DSG2: variants seen among roughly 807,000 people sequenced by gnomAD.
The protein encoded by DSG2 is desmoglein-2.
A neutral mutation model predicts 75.6 loss-of-function variants in DSG2; 45 were observed. The observed-to-expected ratio is 0.60, with a 90% CI of 0.47 to 0.76. DSG2 has a LOEUF of 0.76. DSG2 is among the 30% of genes least tolerant of loss of function. The pLI is 0.00. For synonymous variants in DSG2, 429 were observed against 483.9 expected (o/e 0.89, Z 1.49); for missense variants, 1,267 against 1,357.4 (o/e 0.93, Z 1.05).
Position 31,545,727 on chromosome 18 carries a change from G to GAAAGCGA in DSG2, c.2341_2342insAAAGCGA (p.Ala781GlufsTer7). ...TGTTTTGTTTTCATTTTAGAAAGCGGCCTCTTACACTGAGGAAGATGAAAA... is the reference window on the plus strand; with the variant it reads ...TGTTTTGTTTTCATTTTAGAAAGCGGAAAGCGACCTCTTACACTGAGGAAGATGAAAA... On this transcript the variant is annotated frameshift_variant, in exon 15 of 15. Coordinates refer to ENST00000261590, the MANE Select transcript of DSG2 (RefSeq NM_001943.5). LOFTEE classifies it low-confidence loss of function (END_TRUNC). The GAAAGCGA allele has an allele frequency of 6.2e-7, 1 of 1,613,620 alleles. No homozygotes were observed. Among genetic ancestry groups the GAAAGCGA allele is most frequent in the Non-Finnish European group, 8.5e-7 (1 of 1,180,004 alleles).
chr18:31,536,566 C>A (rs904409514), intron 11 of DSG2, 137 bp downstream of exon 11: 1 of 870,882 alleles, frequency 1.1e-6, no homozygotes, highest in Non-Finnish European at 1.8e-6. Context: ...AGGTCCTGAA[C>A]CTACTGACAT....
chr18:31,521,612 G>A (rs1475782058), intron 5 of DSG2, among the ~76,000 whole-genome samples: 2 of 152,164 alleles, frequency 1.3e-5, no homozygotes, highest in Admixed American at 1.3e-4. Flanking sequence ...TTTGGCTATA[G>A]TTTGCTGACC....
At chr18:31,511,550 G>C (rs1290553816) in intron 1 of DSG2, among the ~76,000 whole-genome samples, 2 of 152,216 alleles carry the variant, frequency 1.3e-5, no homozygotes, top group African/African-American at 4.8e-5. Context: ...TTCCACAATT[G>C]ACAAAATGTT....
At chr18:31,534,168 A>C (rs1421192398) in intron 9 of DSG2, among the ~76,000 whole-genome samples, 1 of 152,004 alleles carries the variant, frequency 6.6e-6, no homozygotes, top group African/African-American at 2.4e-5. Flanking sequence ...TTGTATTTTT[A>C]GTAGAGATGG....
intron 8 of DSG2, among the ~76,000 whole-genome samples, chr18:31,530,153 G>A (rs941041793): frequency 2.0e-5 from 3 of 152,118 alleles, no homozygotes; most frequent in Non-Finnish European, 4.4e-5. Flanking sequence ...AAAGAGGAGA[G>A]TGGGGTTCTT....
At chr18:31,509,014 C>T (rs564018963) in intron 1 of DSG2, among the ~76,000 whole-genome samples, 7 of 152,182 alleles carry the variant, frequency 4.6e-5, no homozygotes, top group Non-Finnish European at 1.0e-4. Context: ...TTGAAAACCA[C>T]TGTTAACATC....
In DSG2 at chr18:31,538,739, C is replaced by T. The variant is rs140850369; in HGVS notation, c.1652-12C>T. ...GTTCGTTTTTATTTCCTTCTGCCTC[C>T]CAACCTTGTAGGTACCAGTGTGCTG... On this transcript the variant is annotated splice_polypyrimidine_tract_variant and intron_variant, in intron 11 of 14. Coordinates refer to ENST00000261590, the MANE Select transcript of DSG2 (RefSeq NM_001943.5). 2.9e-4 allele frequency: 469 copies of T among 1,612,624 alleles called. 2 individuals are homozygous for T. In the African/African-American group the frequency reaches 5.5e-3, roughly 19 times the overall value.
Position 31,546,567 on chromosome 18 carries a change from T to A in DSG2, c.3181T>A (p.Tyr1061Asn), listed in dbSNP as rs2073312753. 6.2e-7 allele frequency: 1 copy of A among 1,614,220 alleles called. No individual in the cohort carries two copies. The highest frequency in any genetic ancestry group is 8.5e-7 in the Non-Finnish European group (1 of 1,180,038). The change falls in exon 15 of 15, where the codon TAC becomes AAC. Residue 1061 changes from tyrosine (Y) to asparagine (N), a missense_variant. Physicochemically the swap from Tyr to Asn is moderately radical, Grantham distance 143. Coordinates refer to ENST00000261590, the MANE Select transcript of DSG2 (RefSeq NM_001943.5). ...LAPASTLQSS[Y>N]QIPTENSMTA... ...ACCTGCTTCCACTCTGCAATCCAGT[T>A]ACCAGATTCCCACTGAAAATTCTAT...
Position 31,530,630 on chromosome 18 carries a change from G to C in DSG2, c.1015-357G>C, listed in dbSNP as rs796466466. ...GATGGGAACTCCCTATGTTGCCCAGGCTGGTCTCAAACTTCTGGGCTCAAG... is the reference window on the plus strand; with the variant it reads ...GATGGGAACTCCCTATGTTGCCCAGCCTGGTCTCAAACTTCTGGGCTCAAG... On this transcript the variant is annotated intron_variant, in intron 8 of 14. Transcript: ENST00000261590. Among the ~76,000 whole-genome samples, 49 of 152,162 alleles carry C rather than the reference G, an allele frequency of 3.2e-4. 1 individual carries two copies. The highest frequency in any genetic ancestry group is 1.2e-3 in the African/African-American group (48 of 41,524).
chr18:31,545,698 G>GTTTTGTTTTGTTTTCA (rs767544191), intron 14 of DSG2, 23 bp from the exon 15 acceptor site: 1 of 1,610,376 alleles, frequency 6.2e-7, no homozygotes, highest in Admixed American at 1.7e-5. Context: ...TTTTGTGTTT[G>GTTTTGTTTTGTTTTCA]TTTTGTTTTG....
At chr18:31,518,100 C>A in intron 1 of DSG2, 139 bp from the exon 2 acceptor site, 1 of 675,090 alleles carries the variant, frequency 1.5e-6, no homozygotes, top group South Asian at 2.0e-5. Flanking sequence ...AAATTAGTTT[C>A]CTCTTGACAA....
intron 11 of DSG2, among the ~76,000 whole-genome samples, chr18:31,536,956 C>T (rs370741637): frequency 6.6e-6 from 1 of 152,172 alleles, no homozygotes; most frequent in African/African-American, 2.4e-5. Context: ...ATCTGATTCC[C>T]CCCTTCCCCA....
chr18:31,517,630 GT>G lies in DSG2; in HGVS notation c.46-603del, dbSNP rs542087975. 5.3e-3 allele frequency among the ~76,000 whole-genome samples: 806 copies of G among 152,222 alleles called. 5 individuals are homozygous for G. Among genetic ancestry groups the G allele is most frequent in the Non-Finnish European group, 7.1e-3 (482 of 68,004 alleles). ...AAAATATTCAGAAAGCAAGATGGGA[GT>G]TTTTTGGGCAAATTTAAGAGTAAGC... On this transcript the variant is annotated intron_variant, in intron 1 of 14. Coordinates refer to ENST00000261590, the MANE Select transcript of DSG2 (RefSeq NM_001943.5).
At chr18:31,507,722 T>C (rs554879815) in intron 1 of DSG2, among the ~76,000 whole-genome samples, 2 of 152,364 alleles carry the variant, frequency 1.3e-5, no homozygotes, top group East Asian at 3.9e-4. Flanking sequence ...CATAAATGTC[T>C]TCTTTTGAGA....
chr18:31,509,507 A>C (rs1319500003), intron 1 of DSG2, among the ~76,000 whole-genome samples: 1 of 152,136 alleles, frequency 6.6e-6, no homozygotes, highest in East Asian at 1.9e-4. Context: ...CTGCTATAGG[A>C]GTATATAAAT....
In DSG2 at chr18:31,542,518, A is replaced by G. The variant is rs1317904219; in HGVS notation, c.2002-2A>G. 1 of 1,613,752 alleles carries G rather than the reference A, an allele frequency of 6.2e-7. No individual in the cohort carries two copies. Among genetic ancestry groups the G allele is most frequent in the Non-Finnish European group, 8.5e-7 (1 of 1,179,986 alleles). On this transcript the variant is annotated splice_acceptor_variant, in intron 13 of 14. Coordinates refer to ENST00000261590, the MANE Select transcript of DSG2 (RefSeq NM_001943.5). LOFTEE classifies it high-confidence loss of function. ...AGTTCTCAGCTGTGTTTGCTCTCAC[A>G]GGTGGTGCCATCATTTCTGCCAGTG...
At chr18:31,528,438 A>G (rs3108921) in intron 8 of DSG2, among the ~76,000 whole-genome samples, 69,798 of 152,014 alleles carry the variant, frequency 0.46, 17,062 homozygotes, top group African/African-American at 0.64. Context: ...TGGGCTGGGC[A>G]CGGTGGCTCC....
Position 31,521,812 on chromosome 18 carries a change from C to T in DSG2, c.524-271C>T, listed in dbSNP as rs8084669. 9.8e-3 allele frequency among the ~76,000 whole-genome samples: 1,486 copies of T among 152,200 alleles called. 19 individuals are homozygous for T. The highest frequency in any genetic ancestry group is 0.035 in the African/African-American group (1,435 of 41,522). ...GCTCATGTTACTTTCTTTGTATTGG[C>T]TACTAATACTATTATAAACAAATCT... is the stretch of plus-strand genomic sequence containing the variant. On this transcript the variant is annotated intron_variant, in intron 5 of 14. Coordinates refer to ENST00000261590, the MANE Select transcript of DSG2 (RefSeq NM_001943.5).
intron 1 of DSG2, among the ~76,000 whole-genome samples, chr18:31,502,020 A>G (rs1004588119): frequency 6.6e-6 from 1 of 152,218 alleles, no homozygotes; most frequent in Admixed American, 6.5e-5. Flanking sequence ...TATCATATCC[A>G]AGGATTTTAG....
Sources: gnomAD v4.1 joint callset for allele counts (sites outside exome capture counted in the v4.1 genomes callset) on GRCh38, gnomAD v4.1.1 for gene constraint, MANE v1.5 for transcripts, NCBI Gene and HGNC (gene_info 2026-07-23, HGNC 2026-07-21) for gene names.